The following CNTNAP2 variants were observed in gnomAD, a reference collection of about 807,000 sequenced individuals.
CNTNAP2 encodes contactin-associated protein-like 2.
A neutral mutation model predicts 155.2 loss-of-function variants in CNTNAP2; 98 were observed. The ratio of observed to expected loss-of-function variants is 0.63; its 90% confidence interval spans 0.54 to 0.75. The LOEUF is 0.75. Ranked by LOEUF, CNTNAP2 falls within the 30% of genes least tolerant of loss-of-function variation. The pLI, the probability that CNTNAP2 is intolerant of heterozygous loss-of-function variation, is 0.00. For synonymous variants in CNTNAP2, 651 were observed against 631.2 expected, an observed-to-expected ratio of 1.03 and a Z score of -0.47; for missense variants, 1,727 against 1,688.1, an observed-to-expected ratio of 1.02 and a Z score of -0.40.
At chr7:148,239,834 C>A (rs1371095629) in intron 20 of CNTNAP2, among the ~76,000 whole-genome samples, 3 of 152,092 alleles carry the variant, frequency 2.0e-5, no homozygotes, top group East Asian at 1.9e-4. Flanking sequence ...GTGGTGGAGG[C>A]GTGTGGTGAA....
chr7:146,934,283 C>G (rs559932793), intron 3 of CNTNAP2, among the ~76,000 whole-genome samples: 3 of 152,102 alleles, frequency 2.0e-5, no homozygotes, highest in South Asian at 2.1e-4. Context: ...GAGTTCATGT[C>G]CTTTGTAGGG....
At chr7:148,169,080 T>G (rs1355797527) in intron 17 of CNTNAP2, among the ~76,000 whole-genome samples, 1 of 152,198 alleles carries the variant, frequency 6.6e-6, no homozygotes, top group African/African-American at 2.4e-5. Flanking sequence ...TAAAGAGTTA[T>G]TTATAACCAA....
At chr7:147,898,614 G>A (rs1046067251) in intron 13 of CNTNAP2, among the ~76,000 whole-genome samples, 5 of 152,176 alleles carry the variant, frequency 3.3e-5, no homozygotes, top group African/African-American at 1.2e-4. Flanking sequence ...CTGCCACCGA[G>A]GTTCTAGTGA....
intron 1 of CNTNAP2, among the ~76,000 whole-genome samples, chr7:146,527,554 A>G (rs1486094691): frequency 2.0e-5 from 3 of 150,130 alleles, no homozygotes; most frequent in Non-Finnish European, 2.9e-5. Context: ...GACCAAAAAT[A>G]AGGTGAGCTT....
chr7:147,451,113 A>G (rs1341781901), intron 10 of CNTNAP2, among the ~76,000 whole-genome samples: 1 of 152,176 alleles, frequency 6.6e-6, no homozygotes, highest in Non-Finnish European at 1.5e-5. Flanking sequence ...TCAATATAAG[A>G]CAGTCAATAT....
rs960943517 is a variant in CNTNAP2, at chr7:147,097,257, G to A, written c.551-10890G>A. ...TAGGGGTTGTTGATGGATGTATAGCGTTCAGAACATTAATGATTTTACAAG... is the reference window on the plus strand; with the variant it reads ...TAGGGGTTGTTGATGGATGTATAGCATTCAGAACATTAATGATTTTACAAG... On this transcript the variant is annotated intron_variant, in intron 4 of 23. Transcript: ENST00000361727. Among the ~76,000 whole-genome samples the A allele has an allele frequency of 1.1e-4, 17 of 152,158 alleles. No homozygotes were observed. In the South Asian group the frequency reaches 1.7e-3, roughly 15 times the overall value.
At chr7:148,036,096 A>G (rs117888027) in intron 15 of CNTNAP2, among the ~76,000 whole-genome samples, 1 of 152,216 alleles carries the variant, frequency 6.6e-6, no homozygotes, top group Admixed American at 6.5e-5. Context: ...TCACAGGCTC[A>G]TAGCTAGAGG....
intron 9 of CNTNAP2, among the ~76,000 whole-genome samples, chr7:147,366,383 G>T (rs965677297): frequency 5.3e-4 from 80 of 151,944 alleles, no homozygotes; most frequent in African/African-American, 1.8e-3. Context: ...TTCTATTTTA[G>T]TAGACTGTAA....
At chr7:147,221,251 T>C (rs913576601) in intron 8 of CNTNAP2, among the ~76,000 whole-genome samples, 1 of 152,246 alleles carries the variant, frequency 6.6e-6, no homozygotes, top group African/African-American at 2.4e-5. Flanking sequence ...TATACATAAT[T>C]AAATACATTT....
rs1405542020 is a variant in CNTNAP2 at position 147,978,000 on chromosome 7, A to G, written c.2383+11A>G. 3.1e-6 allele frequency: 5 copies of G among 1,613,834 alleles called. No homozygotes were observed. Among genetic ancestry groups the G allele is most frequent in the Non-Finnish European group, 4.2e-6 (5 of 1,179,874 alleles). On this transcript the variant is annotated intron_variant, in intron 15 of 23. Transcript: ENST00000361727. ...GCTGCCAAGGAGACAGTAAGTTTGC[A>G]TAGCAGCTATGGCTTGCACTTTCTT... is the stretch of plus-strand genomic sequence containing the variant.
intron 1 of CNTNAP2, among the ~76,000 whole-genome samples, chr7:146,574,493 G>C (rs948922702): frequency 2.6e-5 from 4 of 152,146 alleles, no homozygotes; most frequent in African/African-American, 9.7e-5. Flanking sequence ...ATGAGGTCAA[G>C]AGATCAAGAC....
intron 10 of CNTNAP2, among the ~76,000 whole-genome samples, chr7:147,460,411 GC>G (rs948953390): frequency 2.1e-4 from 32 of 151,970 alleles, no homozygotes; most frequent in Admixed American, 2.0e-3. Context: ...GTGCTACCTC[GC>G]CCCCCTACCT....
intron 10 of CNTNAP2, among the ~76,000 whole-genome samples, chr7:147,466,006 C>T (rs1360118784): frequency 6.6e-6 from 1 of 152,110 alleles, no homozygotes; most frequent in Admixed American, 6.6e-5. Flanking sequence ...TCTCAAAGCT[C>T]ACTGAAAAAT....
chr7:146,728,217 A>C (rs568133103), intron 1 of CNTNAP2, among the ~76,000 whole-genome samples: 1 of 152,192 alleles, frequency 6.6e-6, no homozygotes. Flanking sequence ...ATCTTGAGAA[A>C]ATGCATAGAA....
At chr7:146,820,173 G>A (rs1803250444) in intron 2 of CNTNAP2, among the ~76,000 whole-genome samples, 1 of 152,116 alleles carries the variant, frequency 6.6e-6, no homozygotes, top group South Asian at 2.1e-4. Context: ...CCCTAAGACT[G>A]GTGAGTTTTA....
intron 15 of CNTNAP2, among the ~76,000 whole-genome samples, chr7:148,067,247 C>T (rs888033004): frequency 6.6e-6 from 1 of 152,186 alleles, no homozygotes; most frequent in Non-Finnish European, 1.5e-5. Flanking sequence ...GAGGAAAGAG[C>T]TGGGGTTTAA....
intron 1 of CNTNAP2, among the ~76,000 whole-genome samples, chr7:146,617,496 C>A (rs907429547): frequency 6.6e-6 from 1 of 151,526 alleles, no homozygotes; most frequent in Non-Finnish European, 1.5e-5. Context: ...AATTCTATGA[C>A]TCATTACCTC....
At chr7:148,012,398 T>G (rs951134454) in intron 15 of CNTNAP2, among the ~76,000 whole-genome samples, 2 of 152,200 alleles carry the variant, frequency 1.3e-5, no homozygotes, top group Non-Finnish European at 2.9e-5. Context: ...GGCCAGGGCC[T>G]GGGGAGATGG....
At chr7:147,155,836 A>G (rs2116442595) in intron 8 of CNTNAP2, among the ~76,000 whole-genome samples, 1 of 152,236 alleles carries the variant, frequency 6.6e-6, no homozygotes, top group South Asian at 2.1e-4. Context: ...AGCTTGTGCT[A>G]ATACCCTAAG....
Sources: allele counts gnomAD v4.1 joint callset (sites outside exome capture counted in the v4.1 genomes callset), GRCh38; gene constraint gnomAD v4.1.1; transcripts MANE v1.5; gene names NCBI Gene and HGNC (gene_info 2026-07-23, HGNC 2026-07-21).